The following DOC2B variants were observed in gnomAD, a reference collection of about 807,000 sequenced individuals.
DOC2B encodes double C2 domain beta.
A neutral mutation model predicts 28.9 loss-of-function variants in DOC2B; 21 were observed. The ratio of observed to expected loss-of-function variants is 0.73; its 90% CI spans 0.52 to 1.05. The LOEUF (loss-of-function observed/expected upper bound fraction) is 1.05. DOC2B is among the 50% of genes least tolerant of loss of function. DOC2B has a pLI of 0.00. For synonymous variants in DOC2B, 194 were observed against 178.1 expected (o/e 1.09, Z -0.71); for missense variants, 384 against 421.1 (o/e 0.91, Z 0.77).
At chr17:147,953 G>A (rs1045156284) in intron 8 of DOC2B, among the ~76,000 whole-genome samples, 15 of 152,164 alleles carry the variant, frequency 9.9e-5, no homozygotes, top group Non-Finnish European at 1.9e-4. Flanking sequence ...TCTTGTCTGT[G>A]CTCCACCACA....
chr17:174,588 G>A (rs1170239028), intron 1 of DOC2B, among the ~76,000 whole-genome samples: 2 of 152,150 alleles, frequency 1.3e-5, no homozygotes, highest in Non-Finnish European at 2.9e-5. Flanking sequence ...TCTTCCGTAT[G>A]TCACGGTCAT....
chr17:153,805 T>C (rs1555522064), intron 6 of DOC2B, among the ~76,000 whole-genome samples: 1 of 151,968 alleles, frequency 6.6e-6, no homozygotes, highest in Non-Finnish European at 1.5e-5. Flanking sequence ...AAAAAACATA[T>C]ATATACGCAA....
In DOC2B at chr17:145,072, G is replaced by C. The variant is rs1226330868; in HGVS notation, c.*2369C>G. On this transcript the variant is annotated 3_prime_UTR_variant, in exon 9 of 9. Transcript: ENST00000613549. ...GGGTGCCCATTCTGTGTGGAGAAAAGAGGAGCCCTTGCCTCAGCCCCCAGA... is the reference window on the plus strand; with the variant it reads ...GGGTGCCCATTCTGTGTGGAGAAAACAGGAGCCCTTGCCTCAGCCCCCAGA... 1 of 152,214 alleles carries C rather than the reference G, an allele frequency of 6.6e-6. No homozygotes were observed. The highest frequency in any genetic ancestry group is 1.5e-5 in the Non-Finnish European group (1 of 68,070). The allele number at this position is 152,214 out of a possible 1,614,324, so 9.4% of individuals were successfully genotyped here.
chr17:154,682 C>A (rs1024064896), intron 6 of DOC2B, among the ~76,000 whole-genome samples: 1 of 152,192 alleles, frequency 6.6e-6, no homozygotes, highest in Non-Finnish European at 1.5e-5. Context: ...TTCTGAGGAA[C>A]TATCAGCTGC....
intron 5 of DOC2B, among the ~76,000 whole-genome samples, chr17:160,271 C>A (rs1369217427): frequency 6.6e-6 from 1 of 152,108 alleles, no homozygotes; most frequent in Admixed American, 6.5e-5. Context: ...GTGACATAGA[C>A]CATGTGGAAA....
intron 1 of DOC2B, among the ~76,000 whole-genome samples, chr17:179,914 G>C (rs2040417933): frequency 6.6e-6 from 1 of 152,278 alleles, no homozygotes; most frequent in Non-Finnish European, 1.5e-5. Flanking sequence ...CTCCCCAGGT[G>C]GGGCGATGGG....
At position 143,469 on chromosome 17, in the gene DOC2B, G is replaced by A. The variant is rs1367438980; in HGVS notation, c.*3972C>T. The A allele has an allele frequency of 2.0e-5, 3 of 151,500 alleles. No individual in the cohort carries two copies. The East Asian group carries it at 5.9e-4, about 30-fold the overall frequency. 9.4% of individuals were successfully genotyped at this position (151,500 alleles called of 1,614,324 possible). Reference sequence around the variant, plus strand: ...TCCTACCTCAGCCTCCTGAAAAGCTGGGGCTACAGGTGTGTGCCACCACGC... The same window carrying A: ...TCCTACCTCAGCCTCCTGAAAAGCTAGGGCTACAGGTGTGTGCCACCACGC... On this transcript the variant is annotated 3_prime_UTR_variant, in exon 9 of 9. Coordinates refer to ENST00000613549, the MANE Select transcript of DOC2B (RefSeq NM_003585.5).
intron 2 of DOC2B, among the ~76,000 whole-genome samples, 191 bp from the exon 3 acceptor site, chr17:164,395 C>G (rs1193243281): frequency 1.3e-5 from 2 of 152,136 alleles, no homozygotes; most frequent in East Asian, 3.9e-4. Flanking sequence ...CTCCCCTCCC[C>G]AAAACATCCT....
At chr17:154,256 G>A (rs954352881) in intron 6 of DOC2B, among the ~76,000 whole-genome samples, 109 of 140,650 alleles carry the variant, frequency 7.7e-4, no homozygotes, top group African/African-American at 2.9e-3. Flanking sequence ...GATATTCCAC[G>A]CACCCGCTAC....
In DOC2B at chr17:172,961, G is replaced by A. The variant is rs142820541; in HGVS notation, c.374-345C>T. 2.5e-3 allele frequency among the ~76,000 whole-genome samples: 375 copies of A among 152,298 alleles called. 4 individuals carry two copies. In the East Asian group the frequency reaches 0.041, roughly 17 times the overall value. On this transcript the variant is annotated intron_variant, in intron 1 of 8. Transcript: ENST00000613549. ...TGGTGCAACTGCCAGTCTGGGCCCC[G>A]TGCCTCAGTTTCCCTCACCTGTGAA...
intron 6 of DOC2B, among the ~76,000 whole-genome samples, chr17:154,440 C>T (rs537747502): frequency 1.3e-5 from 2 of 152,020 alleles, no homozygotes; most frequent in East Asian, 3.9e-4. Flanking sequence ...TGATATTCCA[C>T]GCACCTGCTA....
At chr17:168,645 C>T (rs1354083595) in intron 2 of DOC2B, among the ~76,000 whole-genome samples, 2 of 72,716 alleles carry the variant, frequency 2.8e-5, no homozygotes, top group Non-Finnish European at 5.5e-5. Flanking sequence ...ATACGTCTCA[C>T]GAGATCTCAT....
chr17:163,832 GCTT>G lies in DOC2B; in HGVS notation c.528+295_528+297del, dbSNP rs2040230999. ...CTAATAGTAACTTCCAGCTGAGAAT[GCTT>G]CTTATAAAATGCTGGCCTGGAAATT... On this transcript the variant is annotated intron_variant, in intron 3 of 8. Coordinates refer to ENST00000613549, the MANE Select transcript of DOC2B (RefSeq NM_003585.5). 3 of 382,582 alleles carry G rather than the reference GCTT, an allele frequency of 7.8e-6. No individual in the cohort carries two copies. The East Asian group carries it at 1.2e-4, about 15-fold the overall frequency. 23.7% of individuals were successfully genotyped at this position (382,582 alleles called of 1,614,324 possible).
intron 1 of DOC2B, among the ~76,000 whole-genome samples, chr17:177,077 T>TAA (rs5818740): frequency 0.75 from 107,906 of 143,404 alleles, 41,486 homozygotes; most frequent in East Asian, 0.86. Context: ...TCAAATACTT[T>TAA]AAAAAAAACA....
Position 143,236 on chromosome 17 carries a change from A to G in DOC2B, c.*4205T>C, listed in dbSNP as rs2039996475. The G allele has an allele frequency of 6.6e-6, 1 of 152,142 alleles. No individual in the cohort carries two copies. The highest frequency in any genetic ancestry group is 1.5e-5 in the Non-Finnish European group (1 of 68,036). The allele number at this position is 152,142 out of a possible 1,614,324, so 9.4% of individuals were successfully genotyped here. ...ATCTGTAACTTGAGGGCCTACCTCAAATGGGTCCCTGGTGAAGAGTAACAA... is the reference window on the plus strand; with the variant it reads ...ATCTGTAACTTGAGGGCCTACCTCAGATGGGTCCCTGGTGAAGAGTAACAA... On this transcript the variant is annotated 3_prime_UTR_variant, in exon 9 of 9. Transcript: ENST00000613549.
At chr17:157,834 G>C (rs901722951) in intron 5 of DOC2B, among the ~76,000 whole-genome samples, 15 of 152,238 alleles carry the variant, frequency 9.9e-5, no homozygotes, top group African/African-American at 3.6e-4. Flanking sequence ...GGCAGGAATG[G>C]AGGGACAGAT....
chr17:176,009 A>G (rs1015080452), intron 1 of DOC2B, among the ~76,000 whole-genome samples: 2 of 152,342 alleles, frequency 1.3e-5, no homozygotes, highest in Non-Finnish European at 2.9e-5. Context: ...GCTCGGTCAC[A>G]GTTTTGAGAG....
intron 7 of DOC2B, 107 bp downstream of exon 7, chr17:149,004 T>A: frequency 5.5e-6 from 2 of 365,464 alleles, no homozygotes; most frequent in Non-Finnish European, 4.9e-6. Flanking sequence ...CCCCACCGTC[T>A]CTGACCACCC....
At chr17:164,871 G>A (rs954083798) in intron 2 of DOC2B, among the ~76,000 whole-genome samples, 32 of 152,358 alleles carry the variant, frequency 2.1e-4, no homozygotes, top group African/African-American at 7.7e-4. Flanking sequence ...CTGGGATGGT[G>A]CACAGGGATG....
Sources: gnomAD v4.1 joint callset for allele counts (sites outside exome capture counted in the v4.1 genomes callset) on GRCh38, gnomAD v4.1.1 for gene constraint, MANE v1.5 for transcripts, NCBI Gene and HGNC (gene_info 2026-07-23, HGNC 2026-07-21) for gene names.